TGFBR3: variants seen among roughly 807,000 people sequenced by gnomAD.
TGFBR3 encodes transforming growth factor beta receptor 3.
Under a neutral mutation model 87.9 loss-of-function variants are expected in TGFBR3, and 46 were observed. That is an observed-to-expected ratio of 0.52 (90% CI 0.41 to 0.67). The LOEUF is 0.67. Ranked by LOEUF, TGFBR3 falls within the 30% of genes least tolerant of loss-of-function variation. TGFBR3 has a pLI of 0.00. For missense variants in TGFBR3, 866 were observed against 1,041.9 expected, an observed-to-expected ratio of 0.83 and a Z score of 2.32; for synonymous variants, 381 against 391.6, an observed-to-expected ratio of 0.97 and a Z score of 0.32.
In TGFBR3 at chr1:91,712,236, C is replaced by G; in HGVS notation, c.2166+7G>C. On this transcript the variant is annotated splice_region_variant and intron_variant, in intron 13 of 16. Transcript: ENST00000212355. ...ATAACCATCCGAATGGATGAAGGCC[C>G]ACAAACCTTAGGCAACTTCTGGGGG... 1 of 1,613,858 alleles carries G rather than the reference C, an allele frequency of 6.2e-7. No individual in the cohort carries two copies. The highest frequency in any genetic ancestry group is 8.5e-7 in the Non-Finnish European group (1 of 1,179,880).
Position 91,722,098 on chromosome 1 carries a change from G to T in TGFBR3, c.932C>A (p.Thr311Lys). 3.7e-6 allele frequency: 6 copies of T among 1,613,902 alleles called. No homozygotes were observed. Among genetic ancestry groups the T allele is most frequent in the Non-Finnish European group, 5.1e-6 (6 of 1,179,914 alleles). Residue 311 changes from threonine to lysine, a missense_variant, in exon 8 of 17, where the codon ACA becomes AAA. By Grantham distance (78) the Thr-to-Lys change is moderately conservative (BLOSUM62 -1). Coordinates refer to ENST00000212355, the MANE Select transcript of TGFBR3 (RefSeq NM_003243.5). ...GTCATCTCTTATTGATTTGGTCATT[G>T]TCATAGATCTTTCACTCTCTTTTCC... ...GFGKESERSM[T>K]MTKSIRDDIP...
At chr1:91,721,897 C>A (rs2100787270) in intron 8 of TGFBR3, 58 bp downstream of exon 8, 8 of 1,525,188 alleles carry the variant, frequency 5.2e-6, no homozygotes, top group Non-Finnish European at 7.2e-6. Flanking sequence ...CAGTTCCTCA[C>A]TGGAAAAGCT....
intron 2 of TGFBR3, among the ~76,000 whole-genome samples, chr1:91,805,997 G>A (rs1675813637): frequency 6.6e-6 from 1 of 152,184 alleles, no homozygotes; most frequent in South Asian, 2.1e-4. Flanking sequence ...AGGACTGGGT[G>A]AACAGATGCA....
intron 2 of TGFBR3, among the ~76,000 whole-genome samples, chr1:91,849,815 G>C (rs1677649847): frequency 6.6e-6 from 1 of 152,174 alleles, no homozygotes; most frequent in East Asian, 1.9e-4. Flanking sequence ...CAGCGAGGTG[G>C]CTCACGCCTG....
intron 2 of TGFBR3, among the ~76,000 whole-genome samples, chr1:91,850,471 G>A (rs1391954558): frequency 1.3e-5 from 2 of 152,148 alleles, no homozygotes; most frequent in African/African-American, 4.8e-5. Flanking sequence ...GTCCAGCGGG[G>A]TCAATGATGA....
intron 2 of TGFBR3, among the ~76,000 whole-genome samples, chr1:91,852,258 A>G (rs1677766024): frequency 6.6e-6 from 1 of 152,088 alleles, no homozygotes; most frequent in Non-Finnish European, 1.5e-5. Context: ...GGAAAAAAAA[A>G]AAGTAAAAGG....
intron 3 of TGFBR3, among the ~76,000 whole-genome samples, chr1:91,782,664 C>T (rs1266832592): frequency 6.9e-6 from 1 of 145,120 alleles, no homozygotes; most frequent in East Asian, 2.0e-4. Flanking sequence ...ATATAACTTC[C>T]ACCTCATGAA....
intron 2 of TGFBR3, among the ~76,000 whole-genome samples, chr1:91,859,887 C>T (rs1005143079): frequency 3.0e-5 from 4 of 132,842 alleles, no homozygotes; most frequent in Admixed American, 8.5e-5. Context: ...CCAGCCTGGG[C>T]AACAGAGGGA....
rs1042749893 is a variant in TGFBR3 at position 91,880,296 on chromosome 1, G to T, written c.-114+5582C>A. Among the ~76,000 whole-genome samples the T allele has an allele frequency of 5.9e-5, 9 of 152,216 alleles. No individual in the cohort carries two copies. In the East Asian group the frequency reaches 1.7e-3, roughly 29 times the overall value. ...GTTAACATTTTTTAAATTTACAATT[G>T]TTTTAAATAAGTTTAAAAATATGGC... On this transcript the variant is annotated intron_variant, in intron 1 of 16. Transcript: ENST00000212355.
intron 1 of TGFBR3, among the ~76,000 whole-genome samples, chr1:91,867,045 T>C (rs947007412): frequency 1.3e-5 from 2 of 152,238 alleles, no homozygotes; most frequent in Non-Finnish European, 2.9e-5. Context: ...GGAGCCTCAG[T>C]TTCCTCCTTT....
At position 91,720,017 on chromosome 1, in the gene TGFBR3, G is replaced by T; in HGVS notation, c.1289C>A (p.Pro430His). 1 of 1,614,148 alleles carries T rather than the reference G, an allele frequency of 6.2e-7. No homozygotes were observed. Among genetic ancestry groups the T allele is most frequent in the East Asian group, 2.2e-5 (1 of 44,888 alleles). Reference sequence around the variant, plus strand: ...GAGACCAGGAAACAGTTGTATGCTGGGAATGACAGGGTCCTTTGGCCGAGG... The same window carrying T: ...GAGACCAGGAAACAGTTGTATGCTGTGAATGACAGGGTCCTTTGGCCGAGG... ...GLPRPKDPVI[P>H]SIQLFPGLRE... The change falls in exon 9 of 17, where the codon CCC (proline) becomes CAC (histidine). Residue 430 changes from proline to histidine, a missense_variant. Physicochemically the swap from Pro to His is moderately conservative, Grantham distance 77. Coordinates refer to ENST00000212355, the MANE Select transcript of TGFBR3 (RefSeq NM_003243.5).
chr1:91,767,885 CA>C (rs1459211847), intron 3 of TGFBR3, among the ~76,000 whole-genome samples: 66 of 101,428 alleles, frequency 6.5e-4, no homozygotes, highest in Admixed American at 6.4e-3. Context: ...CATTGGATCA[CA>C]GAAAAAAAAA....
At chr1:91,695,894 A>C in intron 15 of TGFBR3, 115 bp from the exon 16 acceptor site, 2 of 881,112 alleles carry the variant, frequency 2.3e-6, no homozygotes, top group Non-Finnish European at 3.8e-6. Flanking sequence ...ATAAAATCGG[A>C]GAATGCAATG....
At chr1:91,724,918 A>G (rs986706893) in intron 7 of TGFBR3, among the ~76,000 whole-genome samples, 6 of 152,198 alleles carry the variant, frequency 3.9e-5, no homozygotes, top group African/African-American at 1.4e-4. Context: ...CGTAGTGCAT[A>G]TGCCCACTGA....
At chr1:91,795,059 G>A (rs1220116209) in intron 3 of TGFBR3, among the ~76,000 whole-genome samples, 1 of 152,182 alleles carries the variant, frequency 6.6e-6, no homozygotes, top group Non-Finnish European at 1.5e-5. Flanking sequence ...CTCTCGTCCT[G>A]ACCCTCATTC....
intron 1 of TGFBR3, among the ~76,000 whole-genome samples, chr1:91,867,985 G>A (rs1571588433): frequency 6.6e-6 from 1 of 152,176 alleles, no homozygotes; most frequent in African/African-American, 2.4e-5. Flanking sequence ...GTGGCACGAT[G>A]TCAGCTCACT....
At chr1:91,775,974 T>A (rs932350834) in intron 3 of TGFBR3, among the ~76,000 whole-genome samples, 1 of 152,212 alleles carries the variant, frequency 6.6e-6, no homozygotes, top group Non-Finnish European at 1.5e-5. Flanking sequence ...GGTAATCCAG[T>A]AAGAGAATTG....
At chr1:91,764,938 A>G (rs1162583499) in intron 3 of TGFBR3, among the ~76,000 whole-genome samples, 4 of 152,036 alleles carry the variant, frequency 2.6e-5, no homozygotes, top group African/African-American at 4.8e-5. Flanking sequence ...ACTATAATGA[A>G]CTGCTTAGAT....
At chr1:91,866,651 T>C (rs991841440) in intron 1 of TGFBR3, 6 of 152,222 alleles carry the variant, frequency 3.9e-5, no homozygotes, top group Admixed American at 2.6e-4. Flanking sequence ...AGGAGACATG[T>C]TTTTTGCCCT....
Sources: allele counts gnomAD v4.1 joint callset (sites outside exome capture counted in the v4.1 genomes callset), GRCh38; gene constraint gnomAD v4.1.1; transcripts MANE v1.5; gene names NCBI Gene and HGNC (gene_info 2026-07-23, HGNC 2026-07-21).